Variants in MCM3AP observed in about 807,000 individuals in gnomAD.
MCM3AP encodes minichromosome maintenance complex component 3 associated protein.
Under a neutral mutation model 184.1 loss-of-function variants are expected in MCM3AP, and 126 were observed. The ratio of observed to expected loss-of-function variants is 0.68; its 90% CI spans 0.59 to 0.79. The LOEUF is 0.79. MCM3AP is among the 30% of genes least tolerant of loss of function. The probability of loss-of-function intolerance (pLI) is 0.00; values close to 1 mark genes in which losing one functional copy is unlikely to be tolerated. For synonymous variants in MCM3AP, 1,002 were observed against 979.3 expected (o/e 1.02, Z -0.43); for missense variants, 2,496 against 2,479.2 (o/e 1.01, Z -0.14).
rs769036222 is a variant in MCM3AP, at chr21:46,272,821, C to A, written c.2205G>T (p.Thr735=). The A allele has an allele frequency of 2.5e-6, 4 of 1,588,592 alleles. No homozygotes were observed. Among genetic ancestry groups the A allele is most frequent in the African/African-American group, 1.3e-5 (1 of 74,416 alleles). The part of the protein sequence containing the change: ...NRTRGIRKDI[T]QQHLCDPLTV... ...TCAGGGGGTCACAGAGGTGCTGCTG[C>A]GTGATATCCTGGCCACAGGCGAGGG... Residue 735 remains threonine, a synonymous_variant, in exon 8 of 28, where the codon ACG becomes ACT. Transcript: ENST00000291688.
intron 17 of MCM3AP, 153 bp downstream of exon 17, chr21:46,256,636 A>G: frequency 5.4e-6 from 5 of 921,222 alleles, no homozygotes; most frequent in Non-Finnish European, 8.0e-6. Context: ...TCAAAATGCA[A>G]CCCTGTGCCT....
chr21:46,275,310 G>A lies in MCM3AP; in HGVS notation c.1874C>T (p.Thr625Ile). 1 of 1,612,992 alleles carries A rather than the reference G, an allele frequency of 6.2e-7. No homozygotes were observed. The highest frequency in any genetic ancestry group is 1.7e-5 in the Admixed American group (1 of 59,732). ...RIMRQARVKR[T>I]DLDKARTFVG... ...AAAAGTCCTCGCTTTGTCCAGATCGGTTCTCTTCACCCGAGCTAAATGACG... is the reference window on the plus strand; with the variant it reads ...AAAAGTCCTCGCTTTGTCCAGATCGATTCTCTTCACCCGAGCTAAATGACG... The change falls in exon 6 of 28, where the codon ACC becomes ATC. Residue 625 changes from threonine to isoleucine, a missense_variant. By Grantham distance (89) the Thr-to-Ile change is moderately conservative. Transcript: ENST00000291688.
Position 46,260,818 on chromosome 21 carries a change from T to C in MCM3AP, c.3556A>G (p.Arg1186Gly). ...LMERVMMEFV[R>G]ETCSQELKNA... ...TTCAACTCCTGGGAGCAGGTTTCCC[T>C]CACAAACTCCATCATCACGCGTTCC... Residue 1186 changes from arginine to glycine, a missense_variant, in exon 15 of 28, where the codon AGG becomes GGG. Arg to Gly is a moderately radical substitution (Grantham distance 125). This residue lies in a region of MCM3AP where 1,323 missense variants were observed against 1,273.4 expected (regional missense o/e 1.04). Coordinates refer to ENST00000291688, the MANE Select transcript of MCM3AP (RefSeq NM_003906.5). 6.2e-7 allele frequency: 1 copy of C among 1,614,000 alleles called. No homozygotes were observed. Among genetic ancestry groups the C allele is most frequent in the Non-Finnish European group, 8.5e-7 (1 of 1,179,906 alleles).
Position 46,236,846 on chromosome 21 carries a change from C to T in MCM3AP, c.5767G>A (p.Val1923Ile), listed in dbSNP as rs771085907. 1.9e-6 allele frequency: 3 copies of T among 1,557,300 alleles called. No homozygotes were observed. Among genetic ancestry groups the T allele is most frequent in the South Asian group, 2.5e-5 (2 of 78,968 alleles). ...HTIEPVMKTS[V>I]TTSPQSDMMR... is the part of the protein sequence containing the mutation. Reference sequence around the variant, plus strand: ...CTTCTCACCTGTGGGCTAGTAGTTACAGATGTTTTCATCACAGGTTCAATA... The same window carrying T: ...CTTCTCACCTGTGGGCTAGTAGTTATAGATGTTTTCATCACAGGTTCAATA... Residue 1923 changes from valine (V) to isoleucine (I), a missense_variant, in exon 27 of 28, where the codon GTA becomes ATA. Around this residue, in one of 5 missense-constraint regions of MCM3AP, gnomAD observed 1,323 missense variants for 1,273.4 expected, o/e 1.04. Transcript: ENST00000291688.
chr21:46,283,561 TA>T, intron 2 of MCM3AP, 53 bp downstream of exon 2: 1 of 1,313,966 alleles, frequency 7.6e-7, no homozygotes, highest in Non-Finnish European at 1.1e-6. Flanking sequence ...AAACAGGTTT[TA>T]AAGTGACAAG....
At chr21:46,266,717 C>T (rs1385774210) in intron 10 of MCM3AP, 1 of 478,350 alleles carries the variant, frequency 2.1e-6, no homozygotes, top group African/African-American at 2.0e-5. Flanking sequence ...AAGGCCCTAA[C>T]TTTTATCTTT....
At position 46,244,790 on chromosome 21, in the gene MCM3AP, C is replaced by T; in HGVS notation, c.5038+17G>A. On this transcript the variant is annotated intron_variant, in intron 23 of 27. Transcript: ENST00000291688. Reference sequence around the variant, plus strand: ...GGCTGCAGCCACCCACCAGACCTCCCCAGGTCAAGCACGTACCCCCCAGGG... The same window carrying T: ...GGCTGCAGCCACCCACCAGACCTCCTCAGGTCAAGCACGTACCCCCCAGGG... The T allele has an allele frequency of 1.3e-6, 2 of 1,591,002 alleles. No homozygotes were observed. Among genetic ancestry groups the T allele is most frequent in the Non-Finnish European group, 1.7e-6 (2 of 1,167,666 alleles).
intron 5 of MCM3AP, 82 bp downstream of exon 5, chr21:46,277,445 G>C: frequency 6.4e-6 from 7 of 1,090,170 alleles, no homozygotes. Context: ...GAGCCCAATG[G>C]AAAGGAGTTG....
chr21:46,265,639 G>T, intron 11 of MCM3AP, 116 bp from the exon 12 acceptor site: 1 of 876,286 alleles, frequency 1.1e-6, no homozygotes, highest in Non-Finnish European at 1.7e-6. Flanking sequence ...CTGAGGACTG[G>T]CCTGCCCTCC....
chr21:46,246,997 T>A (rs1180179446), intron 20 of MCM3AP, 111 bp from the exon 21 acceptor site: 19 of 1,154,476 alleles, frequency 1.6e-5, no homozygotes, highest in Non-Finnish European at 2.1e-5. Context: ...AAATACTGAC[T>A]GTACTCCAGA....
chr21:46,284,054 T>C lies in MCM3AP; in HGVS notation c.1219+14A>G. ...TGCAGGATTTACTCTATGTGCTACA[T>C]TTTCAGAGCTCACCTTCTTTCTTCT... On this transcript the variant is annotated intron_variant, in intron 1 of 27. Transcript: ENST00000291688. 1 of 1,606,278 alleles carries C rather than the reference T, an allele frequency of 6.2e-7. No individual in the cohort carries two copies. Among genetic ancestry groups the C allele is most frequent in the Non-Finnish European group, 8.5e-7 (1 of 1,175,706 alleles).
intron 15 of MCM3AP, among the ~76,000 whole-genome samples, chr21:46,260,001 A>C (rs2081020832): frequency 6.6e-6 from 1 of 151,668 alleles, no homozygotes; most frequent in Non-Finnish European, 1.5e-5. Flanking sequence ...GCTTGAACCC[A>C]GGAGGCAGAG....
chr21:46,258,343 A>C (rs753247976), intron 16 of MCM3AP, among the ~76,000 whole-genome samples: 14 of 152,236 alleles, frequency 9.2e-5, no homozygotes, highest in Non-Finnish European at 1.6e-4. Flanking sequence ...TATAAGATTA[A>C]TAAATCATCA....
chr21:46,251,725 G>A, intron 19 of MCM3AP, 43 bp from the exon 20 acceptor site: 1 of 1,235,300 alleles, frequency 8.1e-7, no homozygotes, highest in Non-Finnish European at 1.1e-6. Flanking sequence ...AACACTTGAA[G>A]AATCTAATTC....
chr21:46,246,005 T>C (rs1184063078), intron 22 of MCM3AP, among the ~76,000 whole-genome samples: 1 of 152,238 alleles, frequency 6.6e-6, no homozygotes, highest in Non-Finnish European at 1.5e-5. Flanking sequence ...AATTTTATCT[T>C]TTATTTTGAT....
intron 6 of MCM3AP, 108 bp from the exon 7 acceptor site, chr21:46,273,693 G>T: frequency 1.4e-6 from 1 of 716,944 alleles, no homozygotes; most frequent in Non-Finnish European, 2.3e-6. Flanking sequence ...CACAAGATCA[G>T]TATTTGAGAA....
rs774891882 is a variant in MCM3AP at position 46,284,705 on chromosome 21, A to G, written c.582T>C (p.Phe194=). The G allele has an allele frequency of 2.5e-6, 4 of 1,614,150 alleles. No individual in the cohort carries two copies. Among genetic ancestry groups the G allele is most frequent in the Non-Finnish European group, 3.4e-6 (4 of 1,180,020 alleles). ...SAPGGLAPFS[F]PQVTSSSATT... is the part of the protein sequence containing the mutation. ...TAGCTGAACTACTTGTTACTTGAGGAAAAGAGAAAGGGGCCAGGCCTCCAG... is the reference window on the plus strand; with the variant it reads ...TAGCTGAACTACTTGTTACTTGAGGGAAAGAGAAAGGGGCCAGGCCTCCAG... Residue 194 remains phenylalanine (F), a synonymous_variant, in exon 1 of 28, where the codon TTT becomes TTC. Coordinates refer to ENST00000291688, the MANE Select transcript of MCM3AP (RefSeq NM_003906.5).
chr21:46,236,083 A>C (rs1408289036), intron 27 of MCM3AP: 1 of 152,240 alleles, frequency 6.6e-6, no homozygotes, highest in Admixed American at 6.5e-5. Flanking sequence ...TTATACATTA[A>C]TTTTTGGGGA....
rs780154095 is a variant in MCM3AP, at chr21:46,240,908, G to A, written c.5536C>T (p.Pro1846Ser). 1 of 1,614,058 alleles carries A rather than the reference G, an allele frequency of 6.2e-7. No homozygotes were observed. Among genetic ancestry groups the A allele is most frequent in the East Asian group, 2.2e-5 (1 of 44,898 alleles). Reference sequence around the variant, plus strand: ...CCTCGCATCAGATCCTCTGTGCTGGGAATCCTCCCCTCTTGAGCACACTCT... The same window carrying A: ...CCTCGCATCAGATCCTCTGTGCTGGAAATCCTCCCCTCTTGAGCACACTCT... ...STECAQEGRIPSTEDLMRGAS... is the reference protein window; with the variant it reads ...STECAQEGRISSTEDLMRGAS... The change falls in exon 26 of 28, where the codon CCC becomes TCC. Residue 1846 changes from proline to serine, a missense_variant. Transcript: ENST00000291688.
Sources: gnomAD v4.1 joint callset for allele counts (sites outside exome capture counted in the v4.1 genomes callset) on GRCh38, gnomAD v4.1.1 for gene constraint, gnomAD v4.1.1 regional missense constraint, MANE v1.5 for transcripts, NCBI Gene and HGNC (gene_info 2026-07-23, HGNC 2026-07-21) for gene names.